Variants in KASH5 observed in about 807,000 individuals in gnomAD.
KASH5 encodes the protein protein KASH5.
In KASH5, 72 loss-of-function variants were observed where a neutral mutation model predicts 84.2. That is an observed-to-expected ratio of 0.85 (90% confidence interval 0.71 to 1.04). The LOEUF (loss-of-function observed/expected upper bound fraction) is 1.04, where lower values mean the gene tolerates loss of function less well. Ranked by LOEUF, KASH5 falls within the 50% of genes least tolerant of loss-of-function variation. The pLI is 0.00. For synonymous variants in KASH5, 260 were observed against 279.1 expected (o/e 0.93, Z 0.68); for missense variants, 650 against 701.0 (o/e 0.93, Z 0.82).
At chr19:49,402,111 A>G (rs183643032) in intron 9 of KASH5, among the ~76,000 whole-genome samples, 217 of 151,988 alleles carry the variant, frequency 1.4e-3, no homozygotes, top group Admixed American at 3.9e-3. Flanking sequence ...GTGTGGTGGC[A>G]CACACCTGTA....
Position 49,390,785 on chromosome 19 carries a change from C to G in KASH5, c.-95-4C>G. ...AGGACACCATTTCCTGCTTCTCCTT[C>G]CAGGAGTGCTCGGGCCAGCTGGTCC... is the stretch of plus-strand genomic sequence containing the variant. On this transcript the variant is annotated splice_polypyrimidine_tract_variant and splice_region_variant and intron_variant, in intron 1 of 19. Transcript: ENST00000447857. The G allele has an allele frequency of 7.4e-7, 1 of 1,359,828 alleles. No homozygotes were observed. Among genetic ancestry groups the G allele is most frequent in the Non-Finnish European group, 9.9e-7 (1 of 1,010,046 alleles). The allele number at this position is 1,359,828 out of a possible 1,614,324, so 84.2% of individuals were successfully genotyped here.
In KASH5 at chr19:49,390,797, G is replaced by A. The variant is rs534897103; in HGVS notation, c.-87G>A. 49 of 1,437,034 alleles carry A rather than the reference G, an allele frequency of 3.4e-5. No homozygotes were observed. The South Asian group carries it at 4.7e-4, about 14-fold the overall frequency. The allele number at this position is 1,437,034 out of a possible 1,614,324, so 89.0% of individuals were successfully genotyped here. A position where few individuals can be genotyped will look rare whatever the true frequency, so the allele number is the denominator to read the frequency against. Reference sequence around the variant, plus strand: ...CCTGCTTCTCCTTCCAGGAGTGCTCGGGCCAGCTGGTCCTTTTCCCATCCC... The same window carrying A: ...CCTGCTTCTCCTTCCAGGAGTGCTCAGGCCAGCTGGTCCTTTTCCCATCCC... On this transcript the variant is annotated 5_prime_UTR_variant, in exon 2 of 20. Transcript: ENST00000447857.
intron 9 of KASH5, 127 bp from the exon 10 acceptor site, chr19:49,406,759 G>A (rs1782455723): frequency 1.2e-6 from 1 of 818,914 alleles, no homozygotes; most frequent in Admixed American, 2.2e-5. Flanking sequence ...AATTAAATGG[G>A]TTAAAACATA....
In KASH5 at chr19:49,412,898, G is replaced by A. The variant is rs1388061265; in HGVS notation, c.1270-70G>A. 4 of 1,507,926 alleles carry A rather than the reference G, an allele frequency of 2.7e-6. No individual in the cohort carries two copies. Among genetic ancestry groups the A allele is most frequent in the Non-Finnish European group, 3.7e-6 (4 of 1,095,754 alleles). 93.4% of individuals were successfully genotyped at this position (1,507,926 alleles called of 1,614,324 possible). A position where few individuals can be genotyped will look rare whatever the true frequency, so the allele number is the denominator to read the frequency against. On this transcript the variant is annotated intron_variant, in intron 15 of 19. Transcript: ENST00000447857. The surrounding 1 kb of genome is among the most constrained non-coding windows in gnomAD (Gnocchi z 4.6). ...GGGTCTGGGACCGGCGGGGGAGACA[G>A]TGGGCACTGTTAGGGTTGGAGCTTT...
At chr19:49,397,892 C>A in intron 6 of KASH5, 90 bp from the exon 7 acceptor site, 1 of 1,491,870 alleles carries the variant, frequency 6.7e-7, no homozygotes, top group Admixed American at 2.1e-5. Context: ...CCCAAAAGAG[C>A]CACATCTCCC....
chr19:49,407,530 C>T (rs1974566777), intron 11 of KASH5, 82 bp from the exon 12 acceptor site: 5 of 1,453,864 alleles, frequency 3.4e-6, no homozygotes, highest in African/African-American at 1.4e-5. Flanking sequence ...CCCTTAACCC[C>T]CCAGCCAGTC....
intron 9 of KASH5, among the ~76,000 whole-genome samples, chr19:49,400,495 G>T (rs1294445119): frequency 6.6e-6 from 1 of 151,522 alleles, no homozygotes; most frequent in Non-Finnish European, 1.5e-5. Context: ...CTCCCAAGTA[G>T]CTGGGATTAC....
At chr19:49,404,959 T>C (rs1306592720) in intron 9 of KASH5, among the ~76,000 whole-genome samples, 1 of 152,094 alleles carries the variant, frequency 6.6e-6, no homozygotes, top group African/African-American at 2.4e-5. Flanking sequence ...ATCAGCCTAA[T>C]CTGAACGCAC....
chr19:49,415,198 T>C (rs1600960874), intron 17 of KASH5: 1 of 625,856 alleles, frequency 1.6e-6, no homozygotes, highest in South Asian at 1.9e-5. Flanking sequence ...TGGAGGCTAG[T>C]GGGCGGCCAG....
At chr19:49,415,680 C>G (rs142637041) in intron 17 of KASH5, 1 of 160,272 alleles carries the variant, frequency 6.2e-6, no homozygotes, top group Non-Finnish European at 1.4e-5. Context: ...CCACCTCCTT[C>G]AACATACTAC....
intron 9 of KASH5, among the ~76,000 whole-genome samples, chr19:49,400,559 T>G (rs113398388): frequency 0.013 from 1,964 of 152,042 alleles, 46 homozygotes; most frequent in Middle Eastern, 0.054. Context: ...TTGGTTGGTT[T>G]GTTTGTTTTA....
intron 6 of KASH5, 100 bp from the exon 7 acceptor site, chr19:49,397,882 C>T: frequency 6.8e-7 from 1 of 1,472,994 alleles, no homozygotes. Context: ...TTTATCTTTC[C>T]CCAAAAGAGC....
intron 9 of KASH5, 66 bp from the exon 10 acceptor site, chr19:49,406,820 T>C: frequency 7.1e-7 from 1 of 1,400,688 alleles, no homozygotes; most frequent in Non-Finnish European, 9.9e-7. Context: ...GTTTAGCAAA[T>C]ATCTGCTGTT....
chr19:49,395,269 G>T lies in KASH5; in HGVS notation c.312G>T (p.Trp104Cys). ...LDTFLVVMRD[W>C]IAACQLHGGL... ...CTTTCCTGGTTGTCATGCGTGACTG[G>T]ATTGCTGCCTGTCAACTACATGGGT... is the stretch of plus-strand genomic sequence containing the variant. The change falls in exon 4 of 20, where the codon TGG (tryptophan) becomes TGT (cysteine). Residue 104 changes from tryptophan to cysteine, a missense_variant. Trp to Cys is a radical substitution (Grantham distance 215, BLOSUM62 -2). Transcript: ENST00000447857. This position sits in a 1 kb window ranked among gnomAD's most constrained non-coding sequence, Gnocchi z 4.4. The T allele has an allele frequency of 6.2e-7, 1 of 1,613,194 alleles. No homozygotes were observed. The highest frequency in any genetic ancestry group is 8.5e-7 in the Non-Finnish European group (1 of 1,179,582).
chr19:49,394,248 A>T (rs1974100520), intron 2 of KASH5, among the ~76,000 whole-genome samples: 1 of 152,204 alleles, frequency 6.6e-6, no homozygotes, highest in Non-Finnish European at 1.5e-5. Context: ...GGACACAAAA[A>T]GACAGCAGGG....
Position 49,397,734 on chromosome 19 carries a change from C to G in KASH5, c.467+17C>G. The G allele has an allele frequency of 6.2e-7, 1 of 1,611,714 alleles. No homozygotes were observed. Among genetic ancestry groups the G allele is most frequent in the South Asian group, 1.1e-5 (1 of 90,996 alleles). ...ACCCGAGCTGTACCTATCCTCACAC[C>G]CCTCCCTGACCCTCCTGCCCACACC... On this transcript the variant is annotated intron_variant, in intron 6 of 19. Transcript: ENST00000447857.
intron 1 of KASH5, among the ~76,000 whole-genome samples, chr19:49,390,573 C>T (rs941103166): frequency 1.3e-5 from 2 of 152,126 alleles, no homozygotes; most frequent in African/African-American, 2.4e-5. Flanking sequence ...GCAGTGACCT[C>T]CCCCACCCAC....
chr19:49,399,830 G>GA lies in KASH5; in HGVS notation c.798+324dup. ...GCATCTGCCTCAGTGGTTTGTGTGA[G>GA]ACTTCAACCGAAGGATACTTGCAAA... is the stretch of plus-strand genomic sequence containing the variant. On this transcript the variant is annotated intron_variant, in intron 9 of 19. Coordinates refer to ENST00000447857, the MANE Select transcript of KASH5 (RefSeq NM_144688.5). This position sits in a 1 kb window ranked among gnomAD's most constrained non-coding sequence, Gnocchi z 4.4. 1 of 452,484 alleles carries GA rather than the reference G, an allele frequency of 2.2e-6. No homozygotes were observed. The highest frequency in any genetic ancestry group is 3.9e-5 in the East Asian group (1 of 25,720). The allele number at this position is 452,484 out of a possible 1,614,324, so 28.0% of individuals were successfully genotyped here. A position where few individuals can be genotyped will look rare whatever the true frequency, so the allele number is the denominator to read the frequency against.
intron 14 of KASH5, 25 bp downstream of exon 14, chr19:49,409,308 G>A: frequency 1.2e-6 from 2 of 1,608,676 alleles, no homozygotes; most frequent in Non-Finnish European, 1.7e-6. Flanking sequence ...CCTGGAATAA[G>A]CTGCAGGCCA....
Sources: allele counts gnomAD v4.1 joint callset (sites outside exome capture counted in the v4.1 genomes callset), GRCh38; gene constraint gnomAD v4.1.1; non-coding constraint Gnocchi (gnomAD v3.1); transcripts MANE v1.5; gene names NCBI Gene and HGNC (gene_info 2026-07-23, HGNC 2026-07-21).